ABCA1: variants seen among roughly 807,000 people sequenced by gnomAD.
ABCA1 encodes the protein ATP binding cassette subfamily A member 1, also known as phospholipid-transporting ATPase ABCA1.
A neutral mutation model predicts 262.5 loss-of-function variants in ABCA1; 133 were observed. That is an observed-to-expected ratio of 0.51 (90% CI 0.44 to 0.59). ABCA1 has a LOEUF of 0.59. ABCA1 is among the 20% of genes least tolerant of loss of function. ABCA1 has a pLI of 0.00. For synonymous variants in ABCA1, 1,022 were observed against 1,043.5 expected (o/e 0.98, Z 0.40); for missense variants, 2,452 against 2,777.5 (o/e 0.88, Z 2.63).
chr9:104,884,296 G>A, intron 4 of ABCA1, 131 bp downstream of exon 4: 2 of 1,183,960 alleles, frequency 1.7e-6, no homozygotes, highest in Admixed American at 2.0e-5. Context: ...TCATTCTGCA[G>A]ACTCTATCAC....
In ABCA1 at chr9:104,792,168, G is replaced by A. The variant is rs181462261; in HGVS notation, c.5758-170C>T. ...AAGAGCCTTGGTCTGCGTTTGTGGC[G>A]ACTGGCTTCTGAATGATTCTGAAGC... On this transcript the variant is annotated intron_variant, in intron 42 of 49. Transcript: ENST00000374736. Among the ~76,000 whole-genome samples the A allele has an allele frequency of 1.7e-3, 266 of 152,316 alleles. 1 individual carries two copies. Among genetic ancestry groups the A allele is most frequent in the African/African-American group, 6.2e-3 (256 of 41,570 alleles).
intron 2 of ABCA1, among the ~76,000 whole-genome samples, chr9:104,900,540 C>A (rs1464875120): frequency 1.3e-5 from 2 of 152,198 alleles, no homozygotes; most frequent in Non-Finnish European, 2.9e-5. Context: ...GAGGTTCTGA[C>A]GTCTAAACAA....
intron 26 of ABCA1, 41 bp downstream of exon 26, chr9:104,814,386 G>A (rs1831544246): frequency 6.2e-7 from 1 of 1,606,438 alleles, no homozygotes. Context: ...GCCAGCAGAA[G>A]GCACTATCTT....
intron 37 of ABCA1, among the ~76,000 whole-genome samples, chr9:104,798,179 G>C (rs1040008577): frequency 2.6e-5 from 4 of 152,188 alleles, no homozygotes; most frequent in African/African-American, 9.7e-5. Context: ...AACTTAAGTG[G>C]TAGTGGTATT....
At chr9:104,790,819 T>C in intron 44 of ABCA1, 103 bp downstream of exon 44, 1 of 826,234 alleles carries the variant, frequency 1.2e-6, no homozygotes, top group South Asian at 1.5e-5. Flanking sequence ...AACATTTTTA[T>C]GAACTCTAAA....
At position 104,832,643 on chromosome 9, in the gene ABCA1, A is replaced by G. The variant is rs745576273; in HGVS notation, c.1440T>C (p.Ser480=). Residue 480 remains serine, a synonymous_variant, in exon 12 of 50, where the codon TCT becomes TCC. Transcript: ENST00000374736. ...HPEDVQSSNG[S]VYTWREAFNE... ...TGAAAGCTTCTCTCCAGGTGTACAC[A>G]GAACCATTACTGGACTGGACATCCT... The G allele has an allele frequency of 1.9e-6, 3 of 1,614,216 alleles. No individual in the cohort carries two copies. The highest frequency in any genetic ancestry group is 2.5e-6 in the Non-Finnish European group (3 of 1,180,030).
chr9:104,882,055 A>AAAC (rs1224300230), intron 5 of ABCA1, among the ~76,000 whole-genome samples: 4 of 146,068 alleles, frequency 2.7e-5, no homozygotes, highest in African/African-American at 9.9e-5. Context: ...AAAAAAAAAA[A>AAAC]AACTCAAATC....
intron 9 of ABCA1, among the ~76,000 whole-genome samples, chr9:104,838,486 G>A (rs1001597281): frequency 6.7e-6 from 1 of 149,962 alleles, no homozygotes; most frequent in African/African-American, 2.5e-5. Context: ...GCATGGTGGC[G>A]GGCACCTGCA....
At chr9:104,898,272 G>T (rs1361102573) in intron 2 of ABCA1, among the ~76,000 whole-genome samples, 1 of 151,830 alleles carries the variant, frequency 6.6e-6, no homozygotes, top group African/African-American at 2.4e-5. Flanking sequence ...AAATTCTCAG[G>T]GGGCACTGTG....
At position 104,781,228 on chromosome 9, in the gene ABCA1, G is replaced by A. The variant is rs190539368; in HGVS notation, c.*3087C>T. The A allele has an allele frequency of 2.3e-4, 35 of 152,596 alleles. No individual in the cohort carries two copies. Among genetic ancestry groups the A allele is most frequent in the Non-Finnish European group, 7.4e-5 (5 of 68,004 alleles). The allele number at this position is 152,596 out of a possible 1,614,324, so 9.5% of individuals were successfully genotyped here. A position where few individuals can be genotyped will look rare whatever the true frequency, so the allele number is the denominator to read the frequency against. ...AAAAATAGATCCCATTACAGACAGC[G>A]TAAAGTGCTTGGAATGAGGGCCAAT... On this transcript the variant is annotated 3_prime_UTR_variant, in exon 50 of 50. Coordinates refer to ENST00000374736, the MANE Select transcript of ABCA1 (RefSeq NM_005502.4).
intron 5 of ABCA1, among the ~76,000 whole-genome samples, chr9:104,862,679 C>CGGGCAGGGCA (rs1554729570): frequency 2.1e-4 from 2 of 9,482 alleles, no homozygotes; most frequent in African/African-American, 7.8e-4. Context: ...CGGGCCGGGC[C>CGGGCAGGGCA]GGGCCGGGCC....
rs1045290638 is a variant in ABCA1, at chr9:104,785,477, G to A, written c.6564C>T (p.Ala2188=). 10 of 1,613,692 alleles carry A rather than the reference G, an allele frequency of 6.2e-6. No individual in the cohort carries two copies. The African/African-American group carries it at 1.3e-4, about 22-fold the overall frequency. The part of the protein sequence containing the change: ...YQLPSSLSSL[A]RIFSILSQSK... The stretch of plus-strand genomic sequence containing the variant: ...TCTGGGAGAGGATGCTGAATATCCT[G>A]GCCAGAGAAGATAATGAAGATGGAA... The change falls in exon 49 of 50, where the codon GCC becomes GCT. Residue 2188 remains alanine, a synonymous_variant. Coordinates refer to ENST00000374736, the MANE Select transcript of ABCA1 (RefSeq NM_005502.4).
chr9:104,810,963 A>G, intron 28 of ABCA1, 39 bp from the exon 29 acceptor site: 1 of 1,613,688 alleles, frequency 6.2e-7, no homozygotes, highest in South Asian at 1.1e-5. Context: ...GGACAGCAGG[A>G]AACGGCAAGT....
At chr9:104,837,153 G>T in intron 10 of ABCA1, 57 bp from the exon 11 acceptor site, 3 of 1,407,398 alleles carry the variant, frequency 2.1e-6, no homozygotes, top group South Asian at 2.3e-5. Flanking sequence ...CACAGACAAT[G>T]AGCGTTTGGC....
intron 1 of ABCA1, among the ~76,000 whole-genome samples, chr9:104,923,945 TGTATGAGGATCACGTGAGCGCA>T: frequency 6.6e-6 from 1 of 152,308 alleles, no homozygotes; most frequent in East Asian, 1.9e-4. Context: ...AAGAGGCTGA[TGTATGAGGATCACGTGAGCGCA>T]GGAGGCTGAG....
chr9:104,895,349 T>G (rs1413413707), intron 2 of ABCA1, among the ~76,000 whole-genome samples: 1 of 152,236 alleles, frequency 6.6e-6, no homozygotes, highest in Non-Finnish European at 1.5e-5. Context: ...GTGACCCTAC[T>G]GACATTTGGG....
intron 31 of ABCA1, among the ~76,000 whole-genome samples, chr9:104,805,831 GTAGTGGCTCACGCCTGTAATCCCA>G (rs1830711380): frequency 6.6e-6 from 1 of 152,220 alleles, no homozygotes; most frequent in Non-Finnish European, 1.5e-5. Context: ...AGGGCTGGGC[GTAGTGGCTCACGCCTGTAATCCCA>G]GCACTTTGGG....
At chr9:104,823,333 C>A (rs1832539342) in intron 18 of ABCA1, among the ~76,000 whole-genome samples, 1 of 152,134 alleles carries the variant, frequency 6.6e-6, no homozygotes, top group Non-Finnish European at 1.5e-5. Flanking sequence ...CACACACACA[C>A]ACAAATGAGC....
intron 26 of ABCA1, 31 bp downstream of exon 26, chr9:104,814,396 T>C: frequency 1.2e-6 from 2 of 1,610,132 alleles, no homozygotes; most frequent in Non-Finnish European, 1.7e-6. Flanking sequence ...GGCACTATCT[T>C]AAGTGTGCCA....
Sources: gnomAD v4.1 joint callset for allele counts (sites outside exome capture counted in the v4.1 genomes callset) on GRCh38, gnomAD v4.1.1 for gene constraint, MANE v1.5 for transcripts, NCBI Gene and HGNC (gene_info 2026-07-23, HGNC 2026-07-21) for gene names.